Variants in IGF1R observed in about 807,000 individuals in gnomAD.
IGF1R encodes insulin-like growth factor 1 receptor.
IGF1R carries 44 observed loss-of-function variants against 144.6 expected under a neutral mutation model. The observed-to-expected ratio is 0.30, with a 90% confidence interval of 0.24 to 0.39. IGF1R has a LOEUF of 0.39. Ranked by LOEUF, IGF1R falls within the 10% of genes least tolerant of loss-of-function variation. The probability of loss-of-function intolerance (pLI) is 1.00; values close to 1 mark genes in which losing one functional copy is unlikely to be tolerated. For missense variants in IGF1R, 1,355 were observed against 1,833.7 expected (o/e 0.74, Z 4.77); for synonymous variants, 795 against 722.8 (o/e 1.10, Z -1.60).
intron 2 of IGF1R, among the ~76,000 whole-genome samples, chr15:98,772,570 C>T (rs2055614961): frequency 6.6e-6 from 1 of 150,778 alleles, no homozygotes; most frequent in Admixed American, 6.6e-5. Context: ...AATCATAGCT[C>T]ACTGAAGCCT....
In IGF1R at chr15:98,929,578, C is replaced by T. The variant is rs2151701359; in HGVS notation, c.2803C>T (p.His935Tyr). The T allele has an allele frequency of 6.2e-7, 1 of 1,613,948 alleles. No individual in the cohort carries two copies. The highest frequency in any genetic ancestry group is 2.2e-5 in the East Asian group (1 of 44,884). ...TGCAGCAGGATATGAAAACTTCATC[C>T]ATCTGATCATCGCTCTGCCCGTCGC... ...QAKTGYENFIHLIIALPVAVL... is the reference protein window; with the variant it reads ...QAKTGYENFIYLIIALPVAVL... Residue 935 changes from histidine (H) to tyrosine (Y), a missense_variant, in exon 14 of 21, where the codon CAT becomes TAT. His to Tyr is a moderately conservative substitution (Grantham distance 83). Transcript: ENST00000650285.
rs2151747168 is a variant in IGF1R at position 98,962,601 on chromosome 15, G to A, written c.*5159G>A. The stretch of plus-strand genomic sequence containing the variant: ...ATGACTGGTTGCGTCATTTGGAGAA[G>A]TGAGTGCTCCTTGATGGTGGAATGA... On this transcript the variant is annotated 3_prime_UTR_variant, in exon 21 of 21. Coordinates refer to ENST00000650285, the MANE Select transcript of IGF1R (RefSeq NM_000875.5). 1 of 233,886 alleles carries A rather than the reference G, an allele frequency of 4.3e-6. No individual in the cohort carries two copies. Among genetic ancestry groups the A allele is most frequent in the African/African-American group, 2.2e-5 (1 of 45,486 alleles). 14.5% of individuals were successfully genotyped at this position (233,886 alleles called of 1,614,324 possible). A position where few individuals can be genotyped will look rare whatever the true frequency, so the allele number is the denominator to read the frequency against.
rs371060976 is a variant in IGF1R at position 98,916,037 on chromosome 15, C to T, written c.1902C>T (p.Pro634=). 2.2e-5 allele frequency: 36 copies of T among 1,614,198 alleles called. No homozygotes were observed. In the African/African-American group the frequency reaches 4.5e-4, roughly 20 times the overall value. ...SSQLIVKWNP[P]SLPNGNLSYY... ...AGTTAATCGTGAAGTGGAACCCTCC[C>T]TCTCTGCCCAACGGCAACCTGAGTT... Residue 634 remains proline, a synonymous_variant, in exon 9 of 21, where the codon CCC becomes CCT. Transcript: ENST00000650285.
intron 1 of IGF1R, among the ~76,000 whole-genome samples, chr15:98,657,373 A>G (rs2052511279): frequency 6.6e-6 from 1 of 152,204 alleles, no homozygotes; most frequent in African/African-American, 2.4e-5. Flanking sequence ...GTGTTTTCTA[A>G]GTCATTAGCT....
intron 2 of IGF1R, among the ~76,000 whole-genome samples, chr15:98,853,891 C>T (rs2011646835): frequency 2.0e-5 from 3 of 152,182 alleles, no homozygotes; most frequent in Admixed American, 2.0e-4. Flanking sequence ...TGTGCCAGAG[C>T]AGCCTCCAGA....
At chr15:98,654,514 T>G (rs1285412347) in intron 1 of IGF1R, among the ~76,000 whole-genome samples, 1 of 152,208 alleles carries the variant, frequency 6.6e-6, no homozygotes, top group African/African-American at 2.4e-5. Flanking sequence ...TTGGTGTTTT[T>G]AAAAGCGTGA....
At chr15:98,720,804 G>A (rs2054229326) in intron 2 of IGF1R, among the ~76,000 whole-genome samples, 1 of 152,150 alleles carries the variant, frequency 6.6e-6, no homozygotes, top group Admixed American at 6.5e-5. Flanking sequence ...GATGTAACTC[G>A]ATTATGTGGA....
intron 1 of IGF1R, among the ~76,000 whole-genome samples, chr15:98,667,884 G>T (rs879614438): frequency 1.3e-5 from 2 of 151,960 alleles, no homozygotes. Flanking sequence ...TTGCCTGGTC[G>T]TCAGGCAGGA....
chr15:98,758,374 G>A (rs1478215291), intron 2 of IGF1R, among the ~76,000 whole-genome samples: 4 of 152,130 alleles, frequency 2.6e-5, no homozygotes, highest in African/African-American at 9.6e-5. Context: ...AGGCTCCTGC[G>A]TCGTCCTCAG....
At chr15:98,797,999 G>A (rs1596312439) in intron 2 of IGF1R, among the ~76,000 whole-genome samples, 1 of 152,222 alleles carries the variant, frequency 6.6e-6, no homozygotes, top group Non-Finnish European at 1.5e-5. Flanking sequence ...AGGAACATGA[G>A]GTGGTAGGCC....
intron 2 of IGF1R, among the ~76,000 whole-genome samples, chr15:98,769,565 G>C (rs1483783717): frequency 3.3e-5 from 5 of 152,184 alleles, no homozygotes; most frequent in African/African-American, 2.4e-5. Flanking sequence ...TATTCAAGCA[G>C]ATCAGATGCT....
intron 5 of IGF1R, among the ~76,000 whole-genome samples, chr15:98,903,127 G>T (rs1487801636): frequency 6.6e-6 from 1 of 152,148 alleles, no homozygotes. Context: ...AAGGAAACAG[G>T]TTTTGTAATC....
At chr15:98,727,814 A>G (rs2054397542) in intron 2 of IGF1R, among the ~76,000 whole-genome samples, 1 of 152,112 alleles carries the variant, frequency 6.6e-6, no homozygotes, top group Non-Finnish European at 1.5e-5. Context: ...GGACTGGGGA[A>G]ACCGCCGGCC....
intron 1 of IGF1R, chr15:98,650,941 GC>G (rs1270620249): frequency 4.1e-6 from 4 of 984,980 alleles, no homozygotes; most frequent in Non-Finnish European, 4.8e-6. Flanking sequence ...GGTGTCTACG[GC>G]CGGAGGAGGT....
intron 1 of IGF1R, among the ~76,000 whole-genome samples, chr15:98,665,981 G>C (rs1441968062): frequency 4.6e-5 from 7 of 152,190 alleles, no homozygotes; most frequent in Non-Finnish European, 8.8e-5. Flanking sequence ...AGTGTTTTGA[G>C]CCCAGACTAA....
intron 2 of IGF1R, among the ~76,000 whole-genome samples, chr15:98,717,429 A>G (rs376626999): frequency 1.1e-3 from 164 of 152,304 alleles, no homozygotes; most frequent in African/African-American, 3.8e-3. Flanking sequence ...GTTCACTACC[A>G]TAACTAAATG....
intron 2 of IGF1R, among the ~76,000 whole-genome samples, chr15:98,720,077 C>T (rs1007433463): frequency 1.3e-5 from 2 of 152,204 alleles, no homozygotes; most frequent in African/African-American, 2.4e-5. Flanking sequence ...ATTTGAAAAG[C>T]GTGAAGCATG....
chr15:98,713,332 G>T (rs538186580), intron 2 of IGF1R, among the ~76,000 whole-genome samples: 143 of 152,290 alleles, frequency 9.4e-4, no homozygotes, highest in Admixed American at 3.7e-3. Context: ...TTCCCCTTGA[G>T]CAGAGAGTAG....
intron 2 of IGF1R, among the ~76,000 whole-genome samples, chr15:98,771,536 T>C (rs2055584943): frequency 6.6e-6 from 1 of 152,148 alleles, no homozygotes; most frequent in Non-Finnish European, 1.5e-5. Context: ...TTATATATAG[T>C]GAGACCCAGT....
Sources: allele counts gnomAD v4.1 joint callset (sites outside exome capture counted in the v4.1 genomes callset), GRCh38; gene constraint gnomAD v4.1.1; transcripts MANE v1.5; gene names NCBI Gene and HGNC (gene_info 2026-07-23, HGNC 2026-07-21).